The following PAK5 variants were observed in gnomAD, a reference collection of about 807,000 sequenced individuals.
The protein encoded by PAK5 is p21 (RAC1) activated kinase 5, also known as serine/threonine-protein kinase PAK 5.
In PAK5, 16 loss-of-function variants were observed where a neutral mutation model predicts 65.9. The observed-to-expected ratio is 0.24, with a 90% CI of 0.16 to 0.37. The LOEUF (loss-of-function observed/expected upper bound fraction) is 0.37. PAK5 is among the 10% of genes least tolerant of loss of function. PAK5 has a pLI of 1.00. For missense variants in PAK5, 785 were observed against 903.9 expected (o/e 0.87, Z 1.69); for synonymous variants, 371 against 354.9 (o/e 1.05, Z -0.51).
Position 9,644,273 on chromosome 20 carries a change from T to C in PAK5, c.56A>G (p.His19Arg), listed in dbSNP as rs2047105032. ...TGGATCAAACCCAGTATGAACCCTG[T>C]GTTCAAAGTTGGACGGGCCAGATAT... ...IEISGPSNFE[H>R]RVHTGFDPQE... The change falls in exon 3 of 10, where the codon CAC becomes CGC. Residue 19 changes from histidine to arginine, a missense_variant. This residue lies in a region of PAK5 where 71 missense variants were observed against 110.2 expected (regional missense o/e 0.64). Transcript: ENST00000353224. 2 of 1,605,874 alleles carry C rather than the reference T, an allele frequency of 1.2e-6. No homozygotes were observed. Among genetic ancestry groups the C allele is most frequent in the Middle Eastern group, 3.3e-4 (2 of 5,996 alleles).
chr20:9,574,444 T>C (rs2045849524), intron 4 of PAK5, among the ~76,000 whole-genome samples: 2 of 152,192 alleles, frequency 1.3e-5, no homozygotes, highest in Admixed American at 6.5e-5. Context: ...CAGAGCAGAT[T>C]GGTCTGACCT....
chr20:9,542,676 A>G lies in PAK5; in HGVS notation c.1914T>C (p.Asp638=). ...SLGIMVIEMI[D]GEPPYFNEPP... is the part of the protein sequence containing the mutation. The stretch of plus-strand genomic sequence containing the variant: ...GCTCATTGAAGTAGGGGGGCTCGCC[A>G]TCAATCATTTCTATCACCATGATCC... Residue 638 remains aspartate, a synonymous_variant, in exon 9 of 10, where the codon GAT becomes GAC. Transcript: ENST00000353224. The G allele has an allele frequency of 3.1e-6, 5 of 1,613,990 alleles. No homozygotes were observed. Among genetic ancestry groups the G allele is most frequent in the Non-Finnish European group, 4.2e-6 (5 of 1,179,842 alleles).
intron 2 of PAK5, among the ~76,000 whole-genome samples, chr20:9,683,482 T>C (rs2047677230): frequency 6.6e-6 from 1 of 152,226 alleles, no homozygotes; most frequent in Non-Finnish European, 1.5e-5. Flanking sequence ...GGGGGATCTA[T>C]CTTCTGCTTC....
intron 2 of PAK5, among the ~76,000 whole-genome samples, chr20:9,698,251 G>C (rs941988309): frequency 6.6e-6 from 1 of 151,792 alleles, no homozygotes; most frequent in Admixed American, 6.6e-5. Context: ...GATTTCCTTT[G>C]ATGTTTACAA....
At chr20:9,541,474 G>C (rs1406893411) in intron 9 of PAK5, among the ~76,000 whole-genome samples, 4 of 152,108 alleles carry the variant, frequency 2.6e-5, no homozygotes, top group Non-Finnish European at 5.9e-5. Context: ...GTACAATCTA[G>C]CTCCTGCCCA....
At chr20:9,552,459 A>G (rs57859086) in intron 7 of PAK5, among the ~76,000 whole-genome samples, 1 of 152,038 alleles carries the variant, frequency 6.6e-6, no homozygotes, top group Admixed American at 6.6e-5. Context: ...TTTTACACAC[A>G]TTACATTATT....
At chr20:9,653,497 T>C (rs2047226861) in intron 2 of PAK5, among the ~76,000 whole-genome samples, 1 of 152,226 alleles carries the variant, frequency 6.6e-6, no homozygotes, top group Non-Finnish European at 1.5e-5. Context: ...GTTTCTTTCC[T>C]ACATATCTCA....
At chr20:9,719,091 A>C (rs980148251) in intron 1 of PAK5, among the ~76,000 whole-genome samples, 1 of 152,196 alleles carries the variant, frequency 6.6e-6, no homozygotes, top group Non-Finnish European at 1.5e-5. Context: ...TGTTGGAATA[A>C]GGTATGTTCT....
intron 1 of PAK5, among the ~76,000 whole-genome samples, chr20:9,775,636 C>T (rs1193052619): frequency 6.6e-6 from 1 of 152,120 alleles, no homozygotes; most frequent in Non-Finnish European, 1.5e-5. Context: ...TATTAATGCA[C>T]CTTAACCAAG....
chr20:9,583,116 C>T (rs1259526931), intron 3 of PAK5, among the ~76,000 whole-genome samples: 1 of 152,138 alleles, frequency 6.6e-6, no homozygotes, highest in African/African-American at 2.4e-5. Context: ...CATTGCCAGG[C>T]CTCAGCAAAC....
intron 3 of PAK5, among the ~76,000 whole-genome samples, chr20:9,626,015 G>A (rs2046839009): frequency 6.6e-6 from 1 of 152,136 alleles, no homozygotes; most frequent in African/African-American, 2.4e-5. Flanking sequence ...CTCTGAAACT[G>A]CAAGGTAAGA....
At chr20:9,618,600 A>C (rs1168581551) in intron 3 of PAK5, among the ~76,000 whole-genome samples, 1 of 150,924 alleles carries the variant, frequency 6.6e-6, no homozygotes, top group African/African-American at 2.4e-5. Flanking sequence ...TTTTTAGTAG[A>C]GATGGGGTTT....
At chr20:9,703,737 C>A (rs997248223) in intron 2 of PAK5, among the ~76,000 whole-genome samples, 2 of 136,690 alleles carry the variant, frequency 1.5e-5, no homozygotes, top group South Asian at 2.4e-4. Context: ...GAGTTCAGCA[C>A]AACATATATC....
chr20:9,610,112 TAA>T (rs1029112896), intron 3 of PAK5, among the ~76,000 whole-genome samples: 5 of 152,104 alleles, frequency 3.3e-5, no homozygotes, highest in Admixed American at 2.6e-4. Context: ...CGCAAGGTCT[TAA>T]AGTCATCTTC....
intron 2 of PAK5, among the ~76,000 whole-genome samples, chr20:9,710,369 C>T (rs1194387043): frequency 6.6e-6 from 1 of 152,156 alleles, no homozygotes; most frequent in Non-Finnish European, 1.5e-5. Context: ...AGGCCACAGA[C>T]ATATTACATC....
chr20:9,816,339 G>A (rs2327231), intron 1 of PAK5, among the ~76,000 whole-genome samples: 37,445 of 152,144 alleles, frequency 0.25, 4,785 homozygotes, highest in Middle Eastern at 0.32. Context: ...GTTAACTGCT[G>A]TGATGGTTAA....
At chr20:9,749,861 A>T (rs2048554217) in intron 1 of PAK5, among the ~76,000 whole-genome samples, 1 of 152,172 alleles carries the variant, frequency 6.6e-6, no homozygotes, top group African/African-American at 2.4e-5. Flanking sequence ...TGGTAGCCCA[A>T]GTTCCATATC....
At chr20:9,542,841 A>G (rs2045288708) in intron 8 of PAK5, 121 bp from the exon 9 acceptor site, 2 of 867,576 alleles carry the variant, frequency 2.3e-6, no homozygotes, top group Non-Finnish European at 3.6e-6. Context: ...CTCAACATTT[A>G]CAATATAGAT....
intron 1 of PAK5, among the ~76,000 whole-genome samples, chr20:9,762,213 T>C (rs1392394360): frequency 6.6e-6 from 1 of 152,140 alleles, no homozygotes. Flanking sequence ...CAGTAAATTT[T>C]TGGATATAGC....
Sources: gnomAD v4.1 joint callset for allele counts (sites outside exome capture counted in the v4.1 genomes callset) on GRCh38, gnomAD v4.1.1 for gene constraint, gnomAD v4.1.1 regional missense constraint, MANE v1.5 for transcripts, NCBI Gene and HGNC (gene_info 2026-07-23, HGNC 2026-07-21) for gene names.